The following PPP6R2 variants were observed in gnomAD, a reference collection of about 807,000 sequenced individuals.
PPP6R2 encodes the protein serine/threonine-protein phosphatase 6 regulatory subunit 2.
In PPP6R2, 62 loss-of-function variants were observed where a neutral mutation model predicts 100.2. The ratio of observed to expected loss-of-function variants is 0.62; its 90% CI spans 0.50 to 0.76. PPP6R2 has a LOEUF of 0.76. Among genes scored for constraint, PPP6R2 ranks in the 30% least tolerant of loss-of-function variants. PPP6R2 has a pLI of 0.00. For synonymous variants in PPP6R2, 525 were observed against 514.7 expected, an observed-to-expected ratio of 1.02 and a Z score of -0.27; for missense variants, 1,142 against 1,276.3, an observed-to-expected ratio of 0.89 and a Z score of 1.60.
chr22:50,406,752 T>G lies in PPP6R2; in HGVS notation c.291T>G (p.Gly97=). Reference sequence around the variant, plus strand: ...TGCCGCAGATCAGCGACCGCCTCGGTGGGGACGAGAGCCTGCTGAGCCTCC... The same window carrying G: ...TGCCGCAGATCAGCGACCGCCTCGGGGGGGACGAGAGCCTGCTGAGCCTCC... ...CDVPQISDRL[G]GDESLLSLLY... is the part of the protein sequence containing the mutation. Residue 97 remains glycine (G), a synonymous_variant, in exon 4 of 24, where the codon GGT becomes GGG. Transcript: ENST00000612753. The G allele has an allele frequency of 6.2e-7, 1 of 1,614,108 alleles. No individual in the cohort carries two copies. The highest frequency in any genetic ancestry group is 1.3e-5 in the African/African-American group (1 of 75,040).
chr22:50,443,410 C>T (rs540407725), intron 22 of PPP6R2: 236 of 160,130 alleles, frequency 1.5e-3, no homozygotes, highest in African/African-American at 5.2e-3. Flanking sequence ...CCAGGGGGCC[C>T]GTCTGCTGCT....
upstream of PPP6R2, among the ~76,000 whole-genome samples, chr22:50,339,436 C>T (rs1458839890): frequency 2.5e-4 from 10 of 39,686 alleles, no homozygotes; most frequent in Admixed American, 2.9e-3. Flanking sequence ...TGTGTGTTTA[C>T]GGTGTGTGTT....
chr22:50,416,514 A>G (rs1569456804), intron 6 of PPP6R2, among the ~76,000 whole-genome samples: 1 of 151,716 alleles, frequency 6.6e-6, no homozygotes, highest in South Asian at 2.1e-4. Context: ...TTGTTTAAAT[A>G]GAGATGAGGT....
chr22:50,383,987 GA>G, intron 2 of PPP6R2, among the ~76,000 whole-genome samples: 1 of 137,444 alleles, frequency 7.3e-6, no homozygotes. Flanking sequence ...GGTGAGCCAA[GA>G]TCACACCACT....
At chr22:50,362,110 G>C (rs2047911502) in intron 1 of PPP6R2, among the ~76,000 whole-genome samples, 1 of 152,222 alleles carries the variant, frequency 6.6e-6, no homozygotes, top group Non-Finnish European at 1.5e-5. Context: ...TGCCTGGAGG[G>C]TCTGCATTGG....
In PPP6R2 at chr22:50,411,973, A is replaced by G. The variant is rs1603293182; in HGVS notation, c.415-2579A>G. ...GGCAGGAGAATGGCATGAACCCAGG[A>G]GGCGGAGCTTGCAGTGAGCCGAGAT... On this transcript the variant is annotated intron_variant, in intron 4 of 23. Coordinates refer to ENST00000612753, the MANE Select transcript of PPP6R2 (RefSeq NM_001242898.2). Among the ~76,000 whole-genome samples the G allele has an allele frequency of 5.6e-5, 8 of 143,360 alleles. No individual in the cohort carries two copies. In the South Asian group the frequency reaches 1.8e-3, roughly 33 times the overall value. The allele number at this position is 143,360 out of a possible 152,430, so 94.0% of individuals were successfully genotyped here.
intron 1 of PPP6R2, among the ~76,000 whole-genome samples, chr22:50,354,808 A>G (rs2046101342): frequency 6.6e-6 from 1 of 151,888 alleles, no homozygotes; most frequent in Non-Finnish European, 1.5e-5. Context: ...GTACACGTAC[A>G]TACAAATCTG....
chr22:50,351,480 T>C (rs1220261924), intron 1 of PPP6R2, among the ~76,000 whole-genome samples: 2 of 151,402 alleles, frequency 1.3e-5, no homozygotes, highest in African/African-American at 4.9e-5. Context: ...TGTCTAGCTA[T>C]GAAAATCCTA....
rs534764435 is a variant in PPP6R2 at position 50,387,163 on chromosome 22, C to T, written c.-16-6730C>T. On this transcript the variant is annotated intron_variant, in intron 2 of 23. Transcript: ENST00000612753. ...GCAGCCTCAACCTCCTGGGCTCAAG[C>T]GATCCCCCTGCCTCAGGCTCCCGGA... Among the ~76,000 whole-genome samples the T allele has an allele frequency of 2.0e-5, 3 of 152,192 alleles. No homozygotes were observed. In the South Asian group the frequency reaches 6.2e-4, roughly 32 times the overall value.
At chr22:50,382,044 T>C (rs191666271) in intron 2 of PPP6R2, among the ~76,000 whole-genome samples, 144 of 152,162 alleles carry the variant, frequency 9.5e-4, no homozygotes, top group East Asian at 3.9e-3. Context: ...TAAATGATAA[T>C]ATATATTGAA....
chr22:50,421,848 A>G (rs923099914), intron 8 of PPP6R2, among the ~76,000 whole-genome samples: 5 of 152,208 alleles, frequency 3.3e-5, no homozygotes, highest in Non-Finnish European at 7.3e-5. Context: ...AGCCTGGGTG[A>G]CAGAGCGAGA....
At chr22:50,370,707 C>T (rs898231792) in intron 1 of PPP6R2, among the ~76,000 whole-genome samples, 23 of 152,016 alleles carry the variant, frequency 1.5e-4, no homozygotes, top group African/African-American at 5.1e-4. Flanking sequence ...GATCTCGGCT[C>T]ACTGCAACCT....
intron 1 of PPP6R2, among the ~76,000 whole-genome samples, chr22:50,352,233 G>A (rs1216792438): frequency 3.9e-5 from 6 of 152,052 alleles, no homozygotes; most frequent in Non-Finnish European, 5.9e-5. Context: ...GAGCCATCGC[G>A]CCCGGCCGGC....
At position 50,422,178 on chromosome 22, in the gene PPP6R2, C is replaced by T. The variant is rs1266976660; in HGVS notation, c.846-76C>T. 6.2e-5 allele frequency: 96 copies of T among 1,545,074 alleles called. 1 individual carries two copies. The highest frequency in any genetic ancestry group is 3.0e-4 in the South Asian group (25 of 82,750). ...TTAAAAGGGCTCTTTCTGGAAGAAG[C>T]GGGTGCACTGAGTTGCTGGTGAGGT... On this transcript the variant is annotated intron_variant, in intron 8 of 23. Coordinates refer to ENST00000612753, the MANE Select transcript of PPP6R2 (RefSeq NM_001242898.2).
At chr22:50,406,974 C>A (rs1022007451) in intron 4 of PPP6R2, 99 bp downstream of exon 4, 2 of 1,227,820 alleles carry the variant, frequency 1.6e-6, no homozygotes, top group African/African-American at 1.5e-5. Flanking sequence ...CCTCCGGCCG[C>A]GGGAACAGCA....
At chr22:50,441,104 C>T (rs1398525831) in intron 22 of PPP6R2, 78 bp downstream of exon 22, 1 of 1,252,548 alleles carries the variant, frequency 8.0e-7, no homozygotes, top group African/African-American at 1.5e-5. Flanking sequence ...GGTCTCAGCT[C>T]CCCTGAGAGG....
intron 8 of PPP6R2, 143 bp from the exon 9 acceptor site, chr22:50,422,111 C>T (rs983303739): frequency 3.0e-5 from 30 of 1,004,274 alleles, no homozygotes; most frequent in South Asian, 5.3e-5. Flanking sequence ...CGTGTGGAGA[C>T]GCTGGGTAGC....
At chr22:50,415,268 A>C (rs2060370217) in intron 5 of PPP6R2, among the ~76,000 whole-genome samples, 1 of 152,178 alleles carries the variant, frequency 6.6e-6, no homozygotes, top group Non-Finnish European at 1.5e-5. Context: ...TGAAGTTTAA[A>C]ATAGAGTAGA....
chr22:50,333,756 G>A, the PPP6R2 span, among the ~76,000 whole-genome samples: 1 of 152,194 alleles, frequency 6.6e-6, no homozygotes, highest in Non-Finnish European at 1.5e-5. Flanking sequence ...GCAAGACAAA[G>A]AGATAGAAGA....
Sources: gnomAD v4.1 joint callset for allele counts (sites outside exome capture counted in the v4.1 genomes callset) on GRCh38, gnomAD v4.1.1 for gene constraint, MANE v1.5 for transcripts, NCBI Gene and HGNC (gene_info 2026-07-23, HGNC 2026-07-21) for gene names.